The following ASCC2 variants were observed in gnomAD, a reference collection of about 807,000 sequenced individuals.
ASCC2 encodes ASC-1 complex subunit P100.
Under a neutral mutation model 93.5 loss-of-function variants are expected in ASCC2, and 42 were observed. The ratio of observed to expected loss-of-function variants is 0.45; its 90% confidence interval spans 0.35 to 0.58. The LOEUF is 0.58. Among genes scored for constraint, ASCC2 ranks in the 20% least tolerant of loss-of-function variants. The probability of loss-of-function intolerance (pLI) is 0.00; values close to 1 mark genes in which losing one functional copy is unlikely to be tolerated. For missense variants in ASCC2, 859 were observed against 977.6 expected, an observed-to-expected ratio of 0.88 and a Z score of 1.62; for synonymous variants, 364 against 384.2, an observed-to-expected ratio of 0.95 and a Z score of 0.62.
chr22:29,837,141 G>C (rs1352366934), intron 1 of ASCC2, among the ~76,000 whole-genome samples: 3 of 152,124 alleles, frequency 2.0e-5, no homozygotes, highest in Non-Finnish European at 2.9e-5. Flanking sequence ...TACAAATTAA[G>C]TAGGCAGGGC....
chr22:29,832,375 GAC>G (rs746088969), intron 1 of ASCC2, 33 bp from the exon 2 acceptor site: 5 of 1,521,818 alleles, frequency 3.3e-6, no homozygotes, highest in Non-Finnish European at 3.6e-6. Flanking sequence ...GAAGAGAGCA[GAC>G]ACACAGACTC....
At chr22:29,793,788 C>T (rs1253498190) in intron 15 of ASCC2, 112 bp from the exon 16 acceptor site, 7 of 975,724 alleles carry the variant, frequency 7.2e-6, no homozygotes, top group East Asian at 2.8e-5. Context: ...CAGACTGTCA[C>T]GGAGACAAAT....
chr22:29,812,419 C>T (rs1299606332), intron 8 of ASCC2, among the ~76,000 whole-genome samples: 1 of 152,220 alleles, frequency 6.6e-6, no homozygotes, highest in Non-Finnish European at 1.5e-5. Flanking sequence ...GCTAAGAGGG[C>T]AAAGTGGGTC....
In ASCC2 at chr22:29,822,347, G is replaced by A. The variant is rs767661623; in HGVS notation, c.529C>T (p.Gln177Ter). ...LFGKGNSPLL[Q>*]KMIGNIFTQQ... Reference sequence around the variant, plus strand: ...GCATCCTACACACCTATCATCTTCTGGAGCAGTGGTGAGTTGCCTTTTCCA... The same window carrying A: ...GCATCCTACACACCTATCATCTTCTAGAGCAGTGGTGAGTTGCCTTTTCCA... The change falls in exon 5 of 20, where the codon CAG (glutamine) becomes TAG (stop). Residue 177 changes from glutamine (Q) to a stop codon, truncating the protein, a stop_gained. Transcript: ENST00000307790. LOFTEE classifies it high-confidence loss of function. 1 of 1,613,990 alleles carries A rather than the reference G, an allele frequency of 6.2e-7. No individual in the cohort carries two copies. Among genetic ancestry groups the A allele is most frequent in the Non-Finnish European group, 8.5e-7 (1 of 1,179,946 alleles).
intron 1 of ASCC2, chr22:29,834,484 G>T (rs1030543533): frequency 1.5e-5 from 7 of 470,878 alleles, no homozygotes; most frequent in Non-Finnish European, 3.1e-5. Flanking sequence ...CCTAGTCCTT[G>T]ACACCTGTTC....
At chr22:29,828,625 T>C (rs536560006) in intron 2 of ASCC2, among the ~76,000 whole-genome samples, 1 of 152,216 alleles carries the variant, frequency 6.6e-6, no homozygotes, top group South Asian at 2.1e-4. Context: ...CTGACTCCCA[T>C]CCCAGCTGGA....
intron 8 of ASCC2, among the ~76,000 whole-genome samples, chr22:29,812,005 A>G (rs1159019502): frequency 1.3e-5 from 2 of 152,212 alleles, no homozygotes; most frequent in Non-Finnish European, 2.9e-5. Context: ...GGACAGCTAC[A>G]TACCCCTCTC....
intron 4 of ASCC2, among the ~76,000 whole-genome samples, chr22:29,822,716 CTTTTTT>C (rs748997801): frequency 1.1e-5 from 1 of 93,000 alleles, no homozygotes; most frequent in Non-Finnish European, 2.1e-5. Flanking sequence ...ATTATCATGT[CTTTTTT>C]TTTTTTTTTT....
At chr22:29,809,971 C>CA (rs1257677362) in intron 8 of ASCC2, 1 of 152,172 alleles carries the variant, frequency 6.6e-6, no homozygotes, top group Non-Finnish European at 1.5e-5. Flanking sequence ...TCTTGCTTCT[C>CA]ACCTAGGTGA....
Position 29,793,650 on chromosome 22 carries a change from C to T in ASCC2, c.1715G>A (p.Ser572Asn), listed in dbSNP as rs758290005. 7 of 1,584,460 alleles carry T rather than the reference C, an allele frequency of 4.4e-6. No homozygotes were observed. Among genetic ancestry groups the T allele is most frequent in the Middle Eastern group, 1.7e-4 (1 of 6,044 alleles). ...CACTGCACGCTTGTCGTTCAGCAAA[C>T]TCCGCGTGTTTTCCTCCTTCCTGGT... Reference protein sequence around the residue: ...KSTRKEENTRSLLNDKRAVAA... With the variant: ...KSTRKEENTRNLLNDKRAVAA... Residue 572 changes from serine to asparagine, a missense_variant, in exon 16 of 20, where the codon AGT becomes AAT. Ser to Asn is a conservative substitution (Grantham distance 46). Coordinates refer to ENST00000307790, the MANE Select transcript of ASCC2 (RefSeq NM_032204.5).
chr22:29,820,692 T>C (rs566304490), intron 5 of ASCC2, among the ~76,000 whole-genome samples: 1 of 150,998 alleles, frequency 6.6e-6, no homozygotes, highest in Non-Finnish European at 1.5e-5. Context: ...CCCAACACTT[T>C]GGGAGGCCGA....
At chr22:29,814,604 C>T in intron 7 of ASCC2, 53 bp downstream of exon 7, 3 of 1,462,186 alleles carry the variant, frequency 2.1e-6, no homozygotes, top group Non-Finnish European at 2.8e-6. Context: ...GGTAGCTAGG[C>T]CCTGGTTGGA....
chr22:29,805,851 G>A (rs753408302), intron 12 of ASCC2, among the ~76,000 whole-genome samples: 1 of 151,654 alleles, frequency 6.6e-6, no homozygotes, highest in African/African-American at 2.4e-5. Context: ...TGCTGGGTGA[G>A]GCGCCACCTC....
At chr22:29,814,989 G>A (rs369293400) in intron 6 of ASCC2, among the ~76,000 whole-genome samples, 2 of 152,326 alleles carry the variant, frequency 1.3e-5, no homozygotes, top group Admixed American at 6.5e-5. Flanking sequence ...AAAGGAGGGC[G>A]AAGAGGATTA....
chr22:29,827,757 GACACACACACACACACACACACAC>G (rs35763537), intron 2 of ASCC2, among the ~76,000 whole-genome samples: 9 of 100,934 alleles, frequency 8.9e-5, no homozygotes, highest in African/African-American at 3.6e-4. Flanking sequence ...TCATTCTCCC[GACACACACACACACACACACACAC>G]ACACACACAC....
intron 15 of ASCC2, 149 bp from the exon 16 acceptor site, chr22:29,793,825 G>A (rs2058082262): frequency 5.3e-6 from 4 of 749,950 alleles, no homozygotes; most frequent in African/African-American, 1.7e-5. Context: ...GAGGGCGTGG[G>A]AGGGTGGGAC....
At chr22:29,800,966 GA>G in intron 15 of ASCC2, 24 bp downstream of exon 15, 1 of 1,556,850 alleles carries the variant, frequency 6.4e-7, no homozygotes, top group Non-Finnish European at 8.8e-7. Context: ...TGGGGTATCG[GA>G]ACCCCATGGC....
rs1358531450 is a variant in ASCC2 at position 29,793,380 on chromosome 22, A to C, written c.1899T>G (p.Asp633Glu). The C allele has an allele frequency of 1.2e-6, 2 of 1,613,906 alleles. No individual in the cohort carries two copies. Among genetic ancestry groups the C allele is most frequent in the Non-Finnish European group, 1.7e-6 (2 of 1,180,026 alleles). The part of the protein sequence containing the change: ...NQVGANDADS[D>E]DELISRRPFT... ...CTCACCTGCGGCTGATGAGCTCGTC[A>C]TCAGAGTCTGCATCATTGGCGCCCA... Residue 633 changes from aspartate (D) to glutamate (E), a missense_variant, in exon 17 of 20, where the codon GAT (aspartate) becomes GAG (glutamate). Coordinates refer to ENST00000307790, the MANE Select transcript of ASCC2 (RefSeq NM_032204.5).
Position 29,790,563 on chromosome 22 carries a change from G to A in ASCC2, c.2023-15C>T, listed in dbSNP as rs2057588605. The A allele has an allele frequency of 1.9e-6, 3 of 1,613,448 alleles. No homozygotes were observed. The highest frequency in any genetic ancestry group is 3.3e-4 in the Middle Eastern group (2 of 6,060). The stretch of plus-strand genomic sequence containing the variant: ...AAATGGTCGGGCTGTGGAAAGGAGA[G>A]GAGACCAAATCTGGAGTCAGGAGCT... On this transcript the variant is annotated splice_polypyrimidine_tract_variant and intron_variant, in intron 18 of 19. Coordinates refer to ENST00000307790, the MANE Select transcript of ASCC2 (RefSeq NM_032204.5).
Sources: gnomAD v4.1 joint callset for allele counts (sites outside exome capture counted in the v4.1 genomes callset) on GRCh38, gnomAD v4.1.1 for gene constraint, MANE v1.5 for transcripts, NCBI Gene and HGNC (gene_info 2026-07-23, HGNC 2026-07-21) for gene names.